The following PSD3 variants were observed in gnomAD, a reference collection of about 807,000 sequenced individuals.
The protein encoded by PSD3 is pleckstrin and Sec7 domain containing 3.
PSD3 carries 49 observed loss-of-function variants against 105.5 expected under a neutral mutation model. The ratio of observed to expected loss-of-function variants is 0.46; its 90% CI spans 0.37 to 0.59. The LOEUF (loss-of-function observed/expected upper bound fraction) is 0.59. Ranked by LOEUF, PSD3 falls within the 20% of genes least tolerant of loss-of-function variation. The probability of loss-of-function intolerance (pLI) is 0.00; values close to 1 mark genes in which losing one functional copy is unlikely to be tolerated. For missense variants in PSD3, 1,561 were observed against 1,263.8 expected, an observed-to-expected ratio of 1.24 and a Z score of -3.57; for synonymous variants, 557 against 457.8, an observed-to-expected ratio of 1.22 and a Z score of -2.77.
intron 1 of PSD3, among the ~76,000 whole-genome samples, chr8:19,032,245 A>G (rs1248319692): frequency 7.6e-6 from 1 of 131,840 alleles, no homozygotes; most frequent in East Asian, 2.1e-4. Context: ...CAGTTCATCC[A>G]CTTGCACTAC....
chr8:18,665,811 A>C (rs1426584773), intron 9 of PSD3, among the ~76,000 whole-genome samples: 1 of 152,190 alleles, frequency 6.6e-6, no homozygotes, highest in Non-Finnish European at 1.5e-5. Flanking sequence ...TGATCGTGCC[A>C]CTGCACTTCA....
chr8:19,029,551 A>C (rs960711707), intron 1 of PSD3, among the ~76,000 whole-genome samples: 1 of 152,192 alleles, frequency 6.6e-6, no homozygotes, highest in Non-Finnish European at 1.5e-5. Flanking sequence ...GGAGAAGGGC[A>C]GAGCAAAAGT....
In PSD3 at chr8:18,594,311, TATTATATATA is replaced by T. The variant is rs1563358996; in HGVS notation, c.2481+6043_2481+6052del. 9.1e-5 allele frequency among the ~76,000 whole-genome samples: 4 copies of T among 43,740 alleles called. 1 individual carries two copies. The highest frequency in any genetic ancestry group is 2.6e-4 in the African/African-American group (2 of 7,558). The allele number at this position is 43,740 out of a possible 152,430, so 28.7% of individuals were successfully genotyped here. A position where few individuals can be genotyped will look rare whatever the true frequency, so the allele number is the denominator to read the frequency against. On this transcript the variant is annotated intron_variant, in intron 12 of 15. Transcript: ENST00000327040. ...ATATATTATATATAATAATATATAT[TATTATATATA>T]ATATATATTATAATATATAATATAT...
intron 11 of PSD3, among the ~76,000 whole-genome samples, chr8:18,631,959 A>G (rs1806934357): frequency 6.6e-6 from 1 of 152,014 alleles, no homozygotes; most frequent in South Asian, 2.1e-4. Flanking sequence ...CTCTGCAAAG[A>G]TTATTCTAAC....
intron 4 of PSD3, among the ~76,000 whole-genome samples, chr8:18,842,705 C>T (rs1814735714): frequency 6.6e-6 from 1 of 151,638 alleles, no homozygotes; most frequent in Non-Finnish European, 1.5e-5. Context: ...CGCACTCCAG[C>T]CTGGGCGACA....
intron 12 of PSD3, among the ~76,000 whole-genome samples, chr8:18,590,802 G>C (rs9644565): frequency 0.051 from 7,775 of 152,166 alleles, 398 homozygotes; most frequent in East Asian, 0.21. Context: ...TCTAGGGACA[G>C]AAGAAACAAA....
intron 9 of PSD3, among the ~76,000 whole-genome samples, chr8:18,716,459 G>A (rs1364693760): frequency 6.6e-6 from 1 of 152,158 alleles, no homozygotes; most frequent in Non-Finnish European, 1.5e-5. Context: ...TTCCAGGTGG[G>A]TGAAACAAAA....
At chr8:19,047,104 C>G (rs1383915084) in intron 1 of PSD3, among the ~76,000 whole-genome samples, 1 of 152,230 alleles carries the variant, frequency 6.6e-6, no homozygotes. Context: ...CTCTGCTACA[C>G]AGGGACATAA....
intron 11 of PSD3, among the ~76,000 whole-genome samples, chr8:18,601,539 C>T (rs1804441100): frequency 6.6e-6 from 1 of 152,156 alleles, no homozygotes; most frequent in Non-Finnish European, 1.5e-5. Context: ...ACTTACAGAA[C>T]ACAGGCAATC....
intron 13 of PSD3, among the ~76,000 whole-genome samples, chr8:18,573,184 GAT>G (rs1177140237): frequency 6.6e-6 from 1 of 152,100 alleles, no homozygotes; most frequent in African/African-American, 2.4e-5. Context: ...AAAACATATA[GAT>G]ATGCCAGACG....
At chr8:19,081,917 C>T (rs572638152) in intron 1 of PSD3, among the ~76,000 whole-genome samples, 1 of 152,294 alleles carries the variant, frequency 6.6e-6, no homozygotes, top group African/African-American at 2.4e-5. Flanking sequence ...ATAAACATAA[C>T]TGAGCACATT....
At chr8:18,816,540 G>A (rs1489537535) in intron 4 of PSD3, among the ~76,000 whole-genome samples, 1 of 152,190 alleles carries the variant, frequency 6.6e-6, no homozygotes, top group African/African-American at 2.4e-5. Flanking sequence ...CTGTATATGT[G>A]TTTACTATGG....
At chr8:18,606,311 C>T (rs1263218374) in intron 11 of PSD3, among the ~76,000 whole-genome samples, 2 of 152,134 alleles carry the variant, frequency 1.3e-5, no homozygotes, top group African/African-American at 4.8e-5. Context: ...ATCTTCAGTA[C>T]TGGTAGGCCA....
intron 1 of PSD3, among the ~76,000 whole-genome samples, chr8:19,083,834 G>A (rs1829720195): frequency 6.6e-6 from 1 of 152,220 alleles, no homozygotes; most frequent in Admixed American, 6.5e-5. Context: ...GTTAAGATGA[G>A]TAAGGGGATG....
chr8:19,056,755 C>T (rs866370528), intron 1 of PSD3, among the ~76,000 whole-genome samples: 24 of 152,018 alleles, frequency 1.6e-4, no homozygotes, highest in African/African-American at 5.6e-4. Flanking sequence ...CCTTGCTGAC[C>T]CCTTCCTTAG....
At chr8:18,922,544 A>G (rs1442080063) in intron 2 of PSD3, among the ~76,000 whole-genome samples, 4 of 152,104 alleles carry the variant, frequency 2.6e-5, no homozygotes, top group South Asian at 4.1e-4. Context: ...CAAGCAATCA[A>G]TTCTGCAGGA....
intron 1 of PSD3, among the ~76,000 whole-genome samples, chr8:19,005,210 T>A (rs991424546): frequency 6.6e-6 from 1 of 151,990 alleles, no homozygotes; most frequent in South Asian, 2.1e-4. Flanking sequence ...CATCAACTGA[T>A]GAACGGATAA....
intron 15 of PSD3, among the ~76,000 whole-genome samples, chr8:18,554,172 C>T (rs548995894): frequency 2.0e-5 from 3 of 152,252 alleles, no homozygotes; most frequent in South Asian, 2.1e-4. Flanking sequence ...CTTCCACCTT[C>T]GGCATCAAGG....
At chr8:18,943,682 C>G (rs761541923) in intron 1 of PSD3, among the ~76,000 whole-genome samples, 2 of 152,234 alleles carry the variant, frequency 1.3e-5, no homozygotes, top group South Asian at 2.1e-4. Flanking sequence ...CTCCACTACA[C>G]TGGGAGACAG....
Sources: gnomAD v4.1 joint callset for allele counts (sites outside exome capture counted in the v4.1 genomes callset) on GRCh38, gnomAD v4.1.1 for gene constraint, MANE v1.5 for transcripts, NCBI Gene and HGNC (gene_info 2026-07-23, HGNC 2026-07-21) for gene names.